Variants in IQCM observed in about 807,000 individuals in gnomAD.
IQCM encodes IQ domain-containing protein M.
Under a neutral mutation model 57.6 loss-of-function variants are expected in IQCM, and 45 were observed. The ratio of observed to expected loss-of-function variants is 0.78; its 90% CI spans 0.62 to 1.00. The LOEUF (loss-of-function observed/expected upper bound fraction) is 1.00. Ranked by LOEUF, IQCM falls within the 50% of genes least tolerant of loss-of-function variation. IQCM has a pLI of 0.00. For synonymous variants in IQCM, 148 were observed against 158.9 expected, an observed-to-expected ratio of 0.93 and a Z score of 0.51; for missense variants, 468 against 511.6, an observed-to-expected ratio of 0.91 and a Z score of 0.82.
At chr4:149,410,863 A>T (rs1248771238) in intron 13 of IQCM, among the ~76,000 whole-genome samples, 1 of 152,150 alleles carries the variant, frequency 6.6e-6, no homozygotes, top group Non-Finnish European at 1.5e-5. Flanking sequence ...AACAGGATAG[A>T]TGTTATTGAT....
intron 13 of IQCM, among the ~76,000 whole-genome samples, chr4:149,419,358 C>T (rs1489614911): frequency 6.6e-6 from 1 of 152,062 alleles, no homozygotes; most frequent in East Asian, 1.9e-4. Context: ...ACCATCTGGT[C>T]CTTGACAAAC....
chr4:149,650,642 G>A (rs1487321308), intron 7 of IQCM, among the ~76,000 whole-genome samples: 1 of 151,920 alleles, frequency 6.6e-6, no homozygotes, highest in Non-Finnish European at 1.5e-5. Context: ...CACCCACCTC[G>A]ACCTCCCAAA....
chr4:149,812,953 T>C (rs1774722445), intron 2 of IQCM, among the ~76,000 whole-genome samples: 4 of 152,186 alleles, frequency 2.6e-5, no homozygotes, highest in Admixed American at 1.3e-4. Flanking sequence ...ATCAGTCAGC[T>C]ACATTAATAT....
intron 12 of IQCM, among the ~76,000 whole-genome samples, chr4:149,448,534 A>T (rs1402606690): frequency 6.6e-6 from 1 of 151,678 alleles, no homozygotes; most frequent in Non-Finnish European, 1.5e-5. Flanking sequence ...TAAAACAAAA[A>T]CAATAAAGAA....
intron 13 of IQCM, among the ~76,000 whole-genome samples, chr4:149,413,086 A>C (rs1218673548): frequency 6.6e-6 from 1 of 152,226 alleles, no homozygotes; most frequent in Non-Finnish European, 1.5e-5. Context: ...ACATGTATGC[A>C]CATTATAAAA....
At position 149,719,913 on chromosome 4, in the gene IQCM, A is replaced by T. The variant is rs562583705; in HGVS notation, c.385+13331T>A. On this transcript the variant is annotated intron_variant, in intron 5 of 13. Coordinates refer to ENST00000636793, the MANE Select transcript of IQCM (RefSeq NM_001363507.2). ...TTGTTACCAGTTCTAAGGTTAAAGA[A>T]TACCGAGAAGCCAAAACCAACACAT... Among the ~76,000 whole-genome samples the T allele has an allele frequency of 2.8e-4, 42 of 152,348 alleles. No homozygotes were observed. In the South Asian group the frequency reaches 8.5e-3, roughly 31 times the overall value.
At chr4:149,612,991 C>T (rs1755438615) in intron 8 of IQCM, among the ~76,000 whole-genome samples, 1 of 151,830 alleles carries the variant, frequency 6.6e-6, no homozygotes, top group African/African-American at 2.4e-5. Context: ...TAGAATTTCC[C>T]AAAAGTAATT....
intron 12 of IQCM, among the ~76,000 whole-genome samples, chr4:149,538,838 C>A (rs1243302955): frequency 1.3e-5 from 2 of 151,790 alleles, no homozygotes; most frequent in Non-Finnish European, 2.9e-5. Flanking sequence ...AAATTAAAAA[C>A]CTTTGCTTTT....
intron 13 of IQCM, among the ~76,000 whole-genome samples, chr4:149,354,363 CAAAAAAAA>C (rs70965178): frequency 1.8e-3 from 36 of 20,254 alleles, no homozygotes; most frequent in East Asian, 0.014. Flanking sequence ...GACTCCGTCT[CAAAAAAAA>C]AAAAAAAAAA....
intron 9 of IQCM, among the ~76,000 whole-genome samples, chr4:149,581,259 A>G (rs759392355): frequency 3.3e-5 from 5 of 151,070 alleles, no homozygotes; most frequent in Non-Finnish European, 7.4e-5. Flanking sequence ...AAGTACTTCA[A>G]TTCATATATA....
chr4:149,467,761 T>C (rs1040694212), intron 12 of IQCM, among the ~76,000 whole-genome samples: 32 of 152,254 alleles, frequency 2.1e-4, no homozygotes, highest in Non-Finnish European at 2.9e-4. Flanking sequence ...TGCAGCTAAC[T>C]GGTAGAGACA....
At chr4:149,489,906 T>C (rs989180843) in intron 12 of IQCM, among the ~76,000 whole-genome samples, 1 of 151,928 alleles carries the variant, frequency 6.6e-6, no homozygotes, top group Admixed American at 6.6e-5. Flanking sequence ...GAATTTGAAA[T>C]ACAAGCTATA....
At chr4:149,494,565 T>C (rs1280541211) in intron 12 of IQCM, among the ~76,000 whole-genome samples, 1 of 152,118 alleles carries the variant, frequency 6.6e-6, no homozygotes, top group African/African-American at 2.4e-5. Flanking sequence ...ACTGCATCAT[T>C]TCCCTAACAG....
intron 2 of IQCM, among the ~76,000 whole-genome samples, chr4:149,789,646 C>G (rs1772398273): frequency 1.3e-5 from 2 of 152,194 alleles, no homozygotes; most frequent in Admixed American, 1.3e-4. Flanking sequence ...TGTTGCACAC[C>G]TGTGGTCCCA....
chr4:149,368,758 ATATATATATATACATATATATACATG>A (rs1560778561), intron 13 of IQCM, among the ~76,000 whole-genome samples: 5 of 73,978 alleles, frequency 6.8e-5, no homozygotes, highest in African/African-American at 2.3e-4. Flanking sequence ...ATATACATGT[ATATATATATATACATATATATACATG>A]TATATATATA....
intron 13 of IQCM, among the ~76,000 whole-genome samples, chr4:149,355,291 G>A (rs564559633): frequency 6.6e-5 from 10 of 151,358 alleles, no homozygotes; most frequent in East Asian, 3.9e-4. Flanking sequence ...TGTACAGAAC[G>A]TGCAGGTTTG....
At chr4:149,759,078 G>C (rs2149957583) in intron 2 of IQCM, among the ~76,000 whole-genome samples, 1 of 152,236 alleles carries the variant, frequency 6.6e-6, no homozygotes, top group South Asian at 2.1e-4. Flanking sequence ...TTATTACTCG[G>C]TGCTAAAAAT....
intron 2 of IQCM, among the ~76,000 whole-genome samples, chr4:149,792,409 T>C (rs1188515759): frequency 6.6e-6 from 1 of 152,028 alleles, no homozygotes; most frequent in East Asian, 1.9e-4. Flanking sequence ...AATAAAAAAA[T>C]ATAAAATTTT....
At chr4:149,474,315 AGAACTTTG>A (rs1739935288) in intron 12 of IQCM, among the ~76,000 whole-genome samples, 1 of 152,114 alleles carries the variant, frequency 6.6e-6, no homozygotes, top group Non-Finnish European at 1.5e-5. Flanking sequence ...CAGTAATCCC[AGAACTTTG>A]GGAGGCCAAG....
Sources: allele counts gnomAD v4.1 joint callset (sites outside exome capture counted in the v4.1 genomes callset), GRCh38; gene constraint gnomAD v4.1.1; transcripts MANE v1.5; gene names NCBI Gene and HGNC (gene_info 2026-07-23, HGNC 2026-07-21).